The following OTOP1 variants were observed in gnomAD, a reference collection of about 807,000 sequenced individuals.
OTOP1 encodes proton channel OTOP1.
OTOP1 carries 59 observed loss-of-function variants against 52.9 expected under a neutral mutation model. The observed-to-expected ratio is 1.12, with a 90% CI of 0.91 to 1.39. The LOEUF is 1.39. Among genes scored for constraint, OTOP1 ranks in the 40% most tolerant of loss-of-function variants. The pLI is 0.00. For synonymous variants in OTOP1, 317 were observed against 337.7 expected, an observed-to-expected ratio of 0.94 and a Z score of 0.67; for missense variants, 761 against 800.9, an observed-to-expected ratio of 0.95 and a Z score of 0.60.
chr4:4,201,022 C>CAT (rs1716772279), intron 4 of OTOP1, among the ~76,000 whole-genome samples: 1 of 152,160 alleles, frequency 6.6e-6, no homozygotes, highest in Non-Finnish European at 1.5e-5. Flanking sequence ...TCACAGAGGG[C>CAT]CTTGAAGCCA....
chr4:4,210,301 C>G (rs1716998650), intron 2 of OTOP1, among the ~76,000 whole-genome samples: 1 of 152,216 alleles, frequency 6.6e-6, no homozygotes, highest in Non-Finnish European at 1.5e-5. Flanking sequence ...TTTGGCTCCC[C>G]TGGAATGAGC....
At position 4,220,058 on chromosome 4, in the gene OTOP1, T is replaced by C. The variant is rs1717260723; in HGVS notation, c.403+6404A>G. ...ATATGTATACATATATACATATACGTGTATATACATATATATGTATACATA... is the reference window on the plus strand; with the variant it reads ...ATATGTATACATATATACATATACGCGTATATACATATATATGTATACATA... On this transcript the variant is annotated intron_variant, in intron 1 of 5. Transcript: ENST00000296358. 3.6e-5 allele frequency among the ~76,000 whole-genome samples: 5 copies of C among 138,868 alleles called. No homozygotes were observed. In the Admixed American group the frequency reaches 3.8e-4, roughly 11 times the overall value. 91.1% of individuals were successfully genotyped at this position (138,868 alleles called of 152,430 possible).
intron 5 of OTOP1, among the ~76,000 whole-genome samples, chr4:4,196,765 G>A (rs113551953): frequency 1.8e-4 from 28 of 152,278 alleles, no homozygotes; most frequent in South Asian, 1.7e-3. Context: ...GCTCTACACC[G>A]TGGAATATTA....
intron 5 of OTOP1, among the ~76,000 whole-genome samples, chr4:4,196,846 G>A (rs1158881126): frequency 1.3e-5 from 2 of 152,236 alleles, no homozygotes; most frequent in Non-Finnish European, 2.9e-5. Context: ...CTTATCCTAA[G>A]TGAATTAACA....
chr4:4,208,673 G>A (rs1249529747), intron 2 of OTOP1, among the ~76,000 whole-genome samples: 1 of 151,770 alleles, frequency 6.6e-6, no homozygotes, highest in Admixed American at 6.6e-5. Context: ...AGTTTTGCAA[G>A]ATGAAAAAGG....
At chr4:4,203,501 C>T (rs1413806159) in intron 3 of OTOP1, among the ~76,000 whole-genome samples, 5 of 152,234 alleles carry the variant, frequency 3.3e-5, no homozygotes, top group Admixed American at 3.3e-4. Context: ...CTGCCCTTGG[C>T]TCTTTGCCAT....
At chr4:4,190,157 G>A (rs1346628490) in intron 5 of OTOP1, among the ~76,000 whole-genome samples, 1 of 152,154 alleles carries the variant, frequency 6.6e-6, no homozygotes, top group Non-Finnish European at 1.5e-5. Context: ...GCTGTGGATT[G>A]AACCAAGCAC....
rs144628895 is a variant in OTOP1, at chr4:4,197,892, G to T, written c.942C>A (p.Gly314=). 4 of 1,613,920 alleles carry T rather than the reference G, an allele frequency of 2.5e-6. No individual in the cohort carries two copies. The highest frequency in any genetic ancestry group is 2.7e-5 in the African/African-American group (2 of 74,872). The change falls in exon 5 of 6, where the codon GGC becomes GGA. Residue 314 remains glycine, a synonymous_variant. Coordinates refer to ENST00000296358, the MANE Select transcript of OTOP1 (RefSeq NM_177998.3). ...MQFKSDGVMV[G]AVLGLTVLAA... ...CCAGCACGGTCAGGCCCAGGACTGC[G>T]CCCACCATGACCCCATCAGACTTGA...
Position 4,226,904 on chromosome 4 carries a change from T to G in OTOP1, c.-40A>C. ...CGCCAAGTCTGGTCCCGGGGGTGGC[T>G]GCCGTCGGGCCCCGCCTGCGCTCCT... On this transcript the variant is annotated 5_prime_UTR_variant, in exon 1 of 6. Transcript: ENST00000296358. The G allele has an allele frequency of 7.7e-7, 1 of 1,294,242 alleles. No homozygotes were observed. Among genetic ancestry groups the G allele is most frequent in the Non-Finnish European group, 9.8e-7 (1 of 1,023,918 alleles). 80.2% of individuals were successfully genotyped at this position (1,294,242 alleles called of 1,614,324 possible).
intron 2 of OTOP1, among the ~76,000 whole-genome samples, chr4:4,212,225 A>C (rs1346769180): frequency 6.6e-6 from 1 of 152,202 alleles, no homozygotes; most frequent in Admixed American, 6.5e-5. Context: ...CTTTTCAACC[A>C]TGAGATTTTT....
chr4:4,194,855 T>A (rs1033583693), intron 5 of OTOP1, among the ~76,000 whole-genome samples: 52 of 151,964 alleles, frequency 3.4e-4, no homozygotes, highest in African/African-American at 1.2e-3. Flanking sequence ...ACCCCCACCA[T>A]CCTTCCTTTA....
intron 3 of OTOP1, among the ~76,000 whole-genome samples, chr4:4,204,725 TGTGTGTGTGTGTGTGTG>T (rs1432956343): frequency 2.9e-4 from 5 of 17,112 alleles, no homozygotes; most frequent in African/African-American, 1.7e-3. Context: ...TGTGTGTGTG[TGTGTGTGTGTGTGTGTG>T]TGTGTGTGCG....
rs1244936927 is a variant in OTOP1, at chr4:4,197,931, G to A, written c.903C>T (p.His301=). 6.2e-7 allele frequency: 1 copy of A among 1,614,080 alleles called. No individual in the cohort carries two copies. The highest frequency in any genetic ancestry group is 8.5e-7 in the Non-Finnish European group (1 of 1,180,008). Residue 301 remains histidine (H), a synonymous_variant, in exon 5 of 6, where the codon CAC becomes CAT. Coordinates refer to ENST00000296358, the MANE Select transcript of OTOP1 (RefSeq NM_177998.3). ...CATCAGACTTGAACTGCATCTTCTG[G>A]TGCTGATGGCTGTCAACTTTGCGCC... ...NIGRKVDSHQ[H]QKMQFKSDGV... is the part of the protein sequence containing the mutation.
intron 2 of OTOP1, among the ~76,000 whole-genome samples, chr4:4,209,851 G>A (rs765519586): frequency 3.3e-5 from 5 of 151,858 alleles, no homozygotes; most frequent in Non-Finnish European, 5.9e-5. Flanking sequence ...CCCACACATC[G>A]CCCCCCTACC....
At chr4:4,193,678 G>A (rs577406473) in intron 5 of OTOP1, among the ~76,000 whole-genome samples, 30 of 152,280 alleles carry the variant, frequency 2.0e-4, no homozygotes, top group South Asian at 1.2e-3. Flanking sequence ...CATAGACCAA[G>A]CACAGGGAGG....
intron 4 of OTOP1, 109 bp downstream of exon 4, chr4:4,202,339 C>T: frequency 2.7e-6 from 4 of 1,487,738 alleles, no homozygotes; most frequent in Non-Finnish European, 3.7e-6. Context: ...AGTTGGGTGG[C>T]CCTGCAGTTC....
intron 1 of OTOP1, among the ~76,000 whole-genome samples, chr4:4,220,636 C>T (rs1051591203): frequency 1.3e-4 from 20 of 152,166 alleles, no homozygotes; most frequent in African/African-American, 4.8e-4. Flanking sequence ...GAACAGTGTT[C>T]CTTACCTAGA....
rs565381544 is a variant in OTOP1 at position 4,208,026 on chromosome 4, C to T, written c.541-1896G>A. ...GAGGAATAGTTGCTTATGCATCCGTCTAGCTCAGCGAACCTGCATTCCTAC... is the reference window on the plus strand; with the variant it reads ...GAGGAATAGTTGCTTATGCATCCGTTTAGCTCAGCGAACCTGCATTCCTAC... On this transcript the variant is annotated intron_variant, in intron 2 of 5. Transcript: ENST00000296358. Among the ~76,000 whole-genome samples, 3 of 152,286 alleles carry T rather than the reference C, an allele frequency of 2.0e-5. No homozygotes were observed. The South Asian group carries it at 6.2e-4, about 32-fold the overall frequency.
intron 5 of OTOP1, among the ~76,000 whole-genome samples, chr4:4,196,803 A>C (rs911683874): frequency 1.3e-5 from 2 of 152,202 alleles, no homozygotes; most frequent in Non-Finnish European, 2.9e-5. Context: ...ATGAAATCAC[A>C]CTATTTGCAG....
Sources: allele counts gnomAD v4.1 joint callset (sites outside exome capture counted in the v4.1 genomes callset), GRCh38; gene constraint gnomAD v4.1.1; transcripts MANE v1.5; gene names NCBI Gene and HGNC (gene_info 2026-07-23, HGNC 2026-07-21).